SORBS3: variants seen among roughly 807,000 people sequenced by gnomAD.
SORBS3 encodes the protein vinexin.
In SORBS3, 69 loss-of-function variants were observed where a neutral mutation model predicts 98.0. The observed-to-expected ratio is 0.70, with a 90% CI of 0.58 to 0.86. The LOEUF is 0.86. Ranked by LOEUF, SORBS3 falls within the 40% of genes least tolerant of loss-of-function variation. The probability of loss-of-function intolerance (pLI) is 0.00; values close to 1 mark genes in which losing one functional copy is unlikely to be tolerated. For synonymous variants in SORBS3, 394 were observed against 355.4 expected, an observed-to-expected ratio of 1.11 and a Z score of -1.22; for missense variants, 954 against 908.5, an observed-to-expected ratio of 1.05 and a Z score of -0.64.
chr8:22,575,151 G>A lies in SORBS3; in HGVS notation c.*423G>A, dbSNP rs754215028. 12 of 325,900 alleles carry A rather than the reference G, an allele frequency of 3.7e-5. No homozygotes were observed. Among genetic ancestry groups the A allele is most frequent in the South Asian group, 1.4e-4 (6 of 42,560 alleles). 20.2% of individuals were successfully genotyped at this position (325,900 alleles called of 1,614,324 possible). A position where few individuals can be genotyped will look rare whatever the true frequency, so the allele number is the denominator to read the frequency against. On this transcript the variant is annotated 3_prime_UTR_variant, in exon 21 of 21. Transcript: ENST00000240123. ...CTCGTAGAGACCAAAGGCCGCCCCC[G>A]CCTGCTGGGGTTCCTCCCAGCACCC...
chr8:22,555,997 T>A (rs1840176042), intron 3 of SORBS3, among the ~76,000 whole-genome samples: 1 of 152,234 alleles, frequency 6.6e-6, no homozygotes, highest in Non-Finnish European at 1.5e-5. Flanking sequence ...TGATGATGAC[T>A]GACAGCTTCC....
rs1019815407 is a variant in SORBS3, at chr8:22,554,678, G to A, written c.102+70G>A. ...TGGTTGGGACGCTAGCAGGTCAGGTGGGGGCAGGAGGATGAAAGGGATGGA... is the reference window on the plus strand; with the variant it reads ...TGGTTGGGACGCTAGCAGGTCAGGTAGGGGCAGGAGGATGAAAGGGATGGA... On this transcript the variant is annotated intron_variant, in intron 2 of 20. Coordinates refer to ENST00000240123, the MANE Select transcript of SORBS3 (RefSeq NM_005775.5). This position sits in a 1 kb window ranked among gnomAD's most constrained non-coding sequence, Gnocchi z 6.5. 5 of 1,494,506 alleles carry A rather than the reference G, an allele frequency of 3.3e-6. No individual in the cohort carries two copies. The highest frequency in any genetic ancestry group is 4.5e-6 in the Non-Finnish European group (5 of 1,112,414). 92.6% of individuals were successfully genotyped at this position (1,494,506 alleles called of 1,614,324 possible).
rs1840436054 is a variant in SORBS3, at chr8:22,566,807, C to T, written c.1144-15C>T. On this transcript the variant is annotated splice_polypyrimidine_tract_variant and intron_variant, in intron 14 of 20. Transcript: ENST00000240123. Reference sequence around the variant, plus strand: ...CCCAACTGAGAGAGCCCACTCTGTCCTCTCCCCTGCCTAGAGAAAGGCCGC... The same window carrying T: ...CCCAACTGAGAGAGCCCACTCTGTCTTCTCCCCTGCCTAGAGAAAGGCCGC... 6.2e-7 allele frequency: 1 copy of T among 1,613,972 alleles called. No homozygotes were observed. The highest frequency in any genetic ancestry group is 1.7e-5 in the Admixed American group (1 of 60,006).
intron 19 of SORBS3, 44 bp from the exon 20 acceptor site, chr8:22,572,296 G>A: frequency 6.5e-7 from 1 of 1,531,452 alleles, no homozygotes; most frequent in Non-Finnish European, 9.0e-7. Flanking sequence ...TTGGGTTAGA[G>A]CCTCTGGGCC....
In SORBS3 at chr8:22,554,641, C is replaced by T. The variant is rs887913918; in HGVS notation, c.102+33C>T. On this transcript the variant is annotated intron_variant, in intron 2 of 20. Coordinates refer to ENST00000240123, the MANE Select transcript of SORBS3 (RefSeq NM_005775.5). The surrounding 1 kb of genome is among the most constrained non-coding windows in gnomAD (Gnocchi z 6.5). Reference sequence around the variant, plus strand: ...AGTCAGTAGGGAGGAGGGTGTCCTGCGGGCCCGGAGTTGGTTGGGACGCTA... The same window carrying T: ...AGTCAGTAGGGAGGAGGGTGTCCTGTGGGCCCGGAGTTGGTTGGGACGCTA... The T allele has an allele frequency of 1.8e-5, 29 of 1,586,738 alleles. No individual in the cohort carries two copies. Among genetic ancestry groups the T allele is most frequent in the Admixed American group, 3.5e-5 (2 of 57,014 alleles).
At chr8:22,560,019 A>T (rs1840260095) in intron 5 of SORBS3, among the ~76,000 whole-genome samples, 1 of 150,940 alleles carries the variant, frequency 6.6e-6, no homozygotes, top group East Asian at 1.9e-4. Flanking sequence ...GTGAGCTGAG[A>T]TCACCCCACT....
upstream of SORBS3, among the ~76,000 whole-genome samples, chr8:22,548,958 C>T (rs373296414): frequency 5.9e-5 from 9 of 152,342 alleles, 1 homozygote; most frequent in African/African-American, 1.9e-4. Flanking sequence ...CTGGTAGTCC[C>T]GTGGCTAATC....
chr8:22,566,288 G>A (rs1024350582), intron 12 of SORBS3, 57 bp from the exon 13 acceptor site: 3 of 1,584,248 alleles, frequency 1.9e-6, no homozygotes. Flanking sequence ...GTCTAGGGGT[G>A]ACCAGGGTGG....
chr8:22,570,869 C>A, intron 17 of SORBS3, 41 bp from the exon 18 acceptor site: 3 of 1,542,558 alleles, frequency 1.9e-6, no homozygotes, highest in African/African-American at 1.4e-5. Context: ...GGGTCCATGG[C>A]ACCAGGAAGG....
intron 3 of SORBS3, among the ~76,000 whole-genome samples, 187 bp from the exon 4 acceptor site, chr8:22,556,528 A>G (rs1488287732): frequency 2.0e-5 from 3 of 152,192 alleles, no homozygotes; most frequent in African/African-American, 7.2e-5. Flanking sequence ...CATTCTCAAG[A>G]TCAAATCCAT....
At chr8:22,561,204 A>C in intron 5 of SORBS3, 131 bp from the exon 6 acceptor site, 1 of 831,458 alleles carries the variant, frequency 1.2e-6, no homozygotes, top group Non-Finnish European at 1.9e-6. Context: ...CCCTTGGGAC[A>C]TTCTTCAGGC....
chr8:22,563,200 G>T (rs1268506497), intron 7 of SORBS3, among the ~76,000 whole-genome samples: 1 of 152,134 alleles, frequency 6.6e-6, no homozygotes, highest in Non-Finnish European at 1.5e-5. Context: ...ACCAAAATCA[G>T]AATGGAGTCA....
chr8:22,563,266 C>G (rs1840333327), intron 7 of SORBS3, among the ~76,000 whole-genome samples: 1 of 152,172 alleles, frequency 6.6e-6, no homozygotes, highest in African/African-American at 2.4e-5. Flanking sequence ...TTTGATAAGC[C>G]TGATGCAGTG....
rs748834265 is a variant in SORBS3, at chr8:22,570,945, G to T, written c.1467G>T (p.Glu489Asp). 5.0e-6 allele frequency: 8 copies of T among 1,611,164 alleles called. No individual in the cohort carries two copies. Among genetic ancestry groups the T allele is most frequent in the South Asian group, 1.1e-5 (1 of 90,840 alleles). ...EHICLIRKVN[E>D]NWYEGRITGT... ...TCTGCCTGATCCGCAAGGTGAACGA[G>T]AACTGGTACGAGGGACGCATCACGG... Residue 489 changes from glutamate to aspartate, a missense_variant, in exon 18 of 21, where the codon GAG (glutamate) becomes GAT (aspartate). By Grantham distance (45) the Glu-to-Asp change is conservative (BLOSUM62 2). Transcript: ENST00000240123.
intron 11 of SORBS3, 178 bp from the exon 12 acceptor site, chr8:22,565,648 C>T (rs1181373736): frequency 8.5e-7 from 1 of 1,179,066 alleles, no homozygotes. Context: ...TCGGGGACCC[C>T]CGCCCCTTCC....
In SORBS3 at chr8:22,554,175, C is replaced by A. The variant is rs1322474810; in HGVS notation, c.-55-277C>A. 4 of 239,038 alleles carry A rather than the reference C, an allele frequency of 1.7e-5. No individual in the cohort carries two copies. Among genetic ancestry groups the A allele is most frequent in the Non-Finnish European group, 3.3e-5 (4 of 122,188 alleles). The allele number at this position is 239,038 out of a possible 1,614,324, so 14.8% of individuals were successfully genotyped here. On this transcript the variant is annotated intron_variant, in intron 1 of 20. Transcript: ENST00000240123. The surrounding 1 kb of genome is among the most constrained non-coding windows in gnomAD (Gnocchi z 6.5). ...CCCACGGGCTCCTGGCCAGCCCCTC[C>A]CCTCCTCCTCACCCAAGCTCCCCCT...
At position 22,556,802 on chromosome 8, in the gene SORBS3, G is replaced by C. The variant is rs538820479; in HGVS notation, c.308G>C (p.Trp103Ser). ...CCTGCCTCCCAGCACACCCAGAACT[G>C]GTCAGCCACGTGGACCAAGGACAGC... The part of the protein sequence containing the change: ...KIPASQHTQN[W>S]SATWTKDSKR... Residue 103 changes from tryptophan (W) to serine (S), a missense_variant, in exon 4 of 21, where the codon TGG becomes TCG. Trp to Ser is a radical substitution (Grantham distance 177). Transcript: ENST00000240123. The C allele has an allele frequency of 5.0e-6, 8 of 1,613,726 alleles. No individual in the cohort carries two copies. In the South Asian group the frequency reaches 6.6e-5, roughly 13 times the overall value.
Position 22,564,378 on chromosome 8 carries a change from T to TG in SORBS3, c.762+11dup, listed in dbSNP as rs1423794355. On this transcript the variant is annotated intron_variant, in intron 9 of 20. Coordinates refer to ENST00000240123, the MANE Select transcript of SORBS3 (RefSeq NM_005775.5). ...TAGAGACTGGGCAGAGGGTGAGTGCTGGCTGGCTCTCGGGGTGTGCACGCA... is the reference window on the plus strand; with the variant it reads ...TAGAGACTGGGCAGAGGGTGAGTGCTGGGCTGGCTCTCGGGGTGTGCACGCA... 6.2e-7 allele frequency: 1 copy of TG among 1,613,824 alleles called. No individual in the cohort carries two copies. The highest frequency in any genetic ancestry group is 2.2e-5 in the East Asian group (1 of 44,888).
At chr8:22,573,356 A>G (rs748502613) in intron 20 of SORBS3, 9 of 456,166 alleles carry the variant, frequency 2.0e-5, no homozygotes, top group Non-Finnish European at 4.0e-5. Context: ...AAGAAGAAAA[A>G]GTACCACTTT....
Sources: gnomAD v4.1 joint callset for allele counts (sites outside exome capture counted in the v4.1 genomes callset) on GRCh38, gnomAD v4.1.1 for gene constraint, Gnocchi (gnomAD v3.1) non-coding constraint, MANE v1.5 for transcripts, NCBI Gene and HGNC (gene_info 2026-07-23, HGNC 2026-07-21) for gene names.